The following NSD1 variants were observed in gnomAD, a reference collection of about 807,000 sequenced individuals.
The protein encoded by NSD1 is histone-lysine N-methyltransferase, H3 lysine-36 specific.
Under a neutral mutation model 242.7 loss-of-function variants are expected in NSD1, and 26 were observed. The observed-to-expected ratio is 0.11, with a 90% confidence interval of 0.08 to 0.15. The LOEUF is 0.15. NSD1 is among the 10% of genes least tolerant of loss of function. The pLI is 1.00. For synonymous variants in NSD1, 1,106 were observed against 1,178.1 expected (o/e 0.94, Z 1.25); for missense variants, 2,495 against 3,272.8 (o/e 0.76, Z 5.80).
Position 177,269,888 on chromosome 5 carries a change from G to A in NSD1, c.5509+81G>A. 8.0e-7 allele frequency: 1 copy of A among 1,253,672 alleles called. No homozygotes were observed. The highest frequency in any genetic ancestry group is 1.1e-6 in the Non-Finnish European group (1 of 893,824). The allele number at this position is 1,253,672 out of a possible 1,614,324, so 77.7% of individuals were successfully genotyped here. On this transcript the variant is annotated intron_variant, in intron 16 of 22. Coordinates refer to ENST00000439151, the MANE Select transcript of NSD1 (RefSeq NM_022455.5). The surrounding 1 kb of genome is among the most constrained non-coding windows in gnomAD (Gnocchi z 5.1). ...CTGATCTGTTTTAGAATTCACATAT[G>A]CTCCATTTTGAAACTGCCTTTGTCC... is the stretch of plus-strand genomic sequence containing the variant.
In NSD1 at chr5:177,135,590, G is replaced by C; in HGVS notation, c.487G>C (p.Asp163His). The C allele has an allele frequency of 6.2e-7, 1 of 1,614,206 alleles. No homozygotes were observed. Among genetic ancestry groups the C allele is most frequent in the Non-Finnish European group, 8.5e-7 (1 of 1,180,040 alleles). ...FENFTCVDDA[D>H]VDSEMDPEQP... ...GAATTTTACTTGTGTGGACGATGCA[G>C]ATGTAGATTCTGAAATGGACCCAGA... Residue 163 changes from aspartate to histidine, a missense_variant, in exon 2 of 23, where the codon GAT becomes CAT. Physicochemically the swap from Asp to His is moderately conservative, Grantham distance 81. Coordinates refer to ENST00000439151, the MANE Select transcript of NSD1 (RefSeq NM_022455.5).
chr5:177,263,400 CA>C (rs1443223130), intron 14 of NSD1, among the ~76,000 whole-genome samples: 1 of 152,192 alleles, frequency 6.6e-6, no homozygotes, highest in Non-Finnish European at 1.5e-5. Context: ...AGCTAGTACA[CA>C]GTCAATGGAT....
intron 2 of NSD1, among the ~76,000 whole-genome samples, chr5:177,167,843 G>C (rs1028563836): frequency 6.6e-6 from 1 of 152,162 alleles, no homozygotes; most frequent in African/African-American, 2.4e-5. Context: ...GGGTTAATCA[G>C]GATGTAACCC....
intron 3 of NSD1, among the ~76,000 whole-genome samples, chr5:177,195,754 G>A (rs1296061093): frequency 1.3e-5 from 2 of 152,122 alleles, no homozygotes; most frequent in African/African-American, 4.8e-5. Context: ...ACTGACAGGA[G>A]CTACCGCACT....
chr5:177,265,368 A>T, intron 14 of NSD1: 1 of 597,576 alleles, frequency 1.7e-6, no homozygotes, highest in Non-Finnish European at 2.9e-6. Flanking sequence ...TTTGTTTCCC[A>T]GCTGAAGATT....
intron 2 of NSD1, among the ~76,000 whole-genome samples, chr5:177,155,656 A>G (rs573563820): frequency 6.7e-6 from 1 of 149,222 alleles, no homozygotes; most frequent in African/African-American, 2.5e-5. Flanking sequence ...GAACAACTGT[A>G]TATATGCAAT....
At position 177,191,900 on chromosome 5, in the gene NSD1, A is replaced by C; in HGVS notation, c.944A>C (p.Lys315Thr). 6.2e-7 allele frequency: 1 copy of C among 1,614,144 alleles called. No individual in the cohort carries two copies. The highest frequency in any genetic ancestry group is 8.5e-7 in the Non-Finnish European group (1 of 1,180,012). ...TGTCTAAAGTGTCAACCTAAGAAAA[A>C]GTCTACGCCACTGAAGTATGAAGTT... ...QELPFCQPKK[K>T]STPLKYEVGD... Residue 315 changes from lysine (K) to threonine (T), a missense_variant, in exon 3 of 23, where the codon AAG becomes ACG. By Grantham distance (78) the Lys-to-Thr change is moderately conservative. Around this residue, in one of 19 missense-constraint regions of NSD1, gnomAD observed 376 missense variants for 367.4 expected, o/e 1.02. Coordinates refer to ENST00000439151, the MANE Select transcript of NSD1 (RefSeq NM_022455.5).
intron 17 of NSD1, among the ~76,000 whole-genome samples, chr5:177,279,961 A>ATATTTTATTT (rs571980602): frequency 0.014 from 2,000 of 140,050 alleles, 69 homozygotes; most frequent in African/African-American, 0.049. Context: ...TTTAAAGTTC[A>ATATTTTATTT]TATTTTATTT....
chr5:177,187,081 C>A (rs901030189), intron 2 of NSD1, among the ~76,000 whole-genome samples: 2 of 147,534 alleles, frequency 1.4e-5, no homozygotes, highest in African/African-American at 5.0e-5. Context: ...AAATTCTAAT[C>A]GTTACAATTG....
At chr5:177,279,034 T>G (rs1354717806) in intron 17 of NSD1, among the ~76,000 whole-genome samples, 1 of 152,240 alleles carries the variant, frequency 6.6e-6, no homozygotes, top group Non-Finnish European at 1.5e-5. Flanking sequence ...AATCCATGAG[T>G]GACATTGCTA....
At chr5:177,156,044 A>AGG (rs1758105887) in intron 2 of NSD1, among the ~76,000 whole-genome samples, 1 of 151,758 alleles carries the variant, frequency 6.6e-6, no homozygotes, top group South Asian at 2.1e-4. Flanking sequence ...ATTGTAGTTG[A>AGG]GGGGGAAAAG....
chr5:177,210,608 A>G lies in NSD1; in HGVS notation c.2209A>G (p.Thr737Ala), dbSNP rs755158787. Residue 737 changes from threonine to alanine, a missense_variant, in exon 5 of 23, where the codon ACT (threonine) becomes GCT (alanine). Physicochemically the swap from Thr to Ala is moderately conservative, Grantham distance 58. Coordinates refer to ENST00000439151, the MANE Select transcript of NSD1 (RefSeq NM_022455.5). ...QVNLSDLKAS[T>A]LVHKPQSDFT... is the part of the protein sequence containing the mutation. ...TAATCTCTCTGATCTGAAGGCATCTACTCTTGTTCACAAACCCCAGTCAGA... is the reference window on the plus strand; with the variant it reads ...TAATCTCTCTGATCTGAAGGCATCTGCTCTTGTTCACAAACCCCAGTCAGA... 1.2e-6 allele frequency: 2 copies of G among 1,614,064 alleles called. No individual in the cohort carries two copies. Among genetic ancestry groups the G allele is most frequent in the East Asian group, 2.2e-5 (1 of 44,866 alleles).
At chr5:177,240,785 T>C (rs1006491998) in intron 8 of NSD1, among the ~76,000 whole-genome samples, 2 of 152,072 alleles carry the variant, frequency 1.3e-5, no homozygotes, top group African/African-American at 4.8e-5. Context: ...GGCAGTAGGA[T>C]TGCTTAAGCT....
chr5:177,283,710 TTAGAGAGAA>T, intron 19 of NSD1, 68 bp from the exon 20 acceptor site: 1 of 1,504,782 alleles, frequency 6.6e-7, no homozygotes, highest in Non-Finnish European at 9.2e-7. Flanking sequence ...CTCCAACTTA[TTAGAGAGAA>T]TAGTCAAATT....
chr5:177,184,814 G>C (rs1760971168), intron 2 of NSD1, among the ~76,000 whole-genome samples: 1 of 152,146 alleles, frequency 6.6e-6, no homozygotes, highest in Non-Finnish European at 1.5e-5. Flanking sequence ...GGATTGTGCA[G>C]GCCTGAGCCA....
At chr5:177,152,912 C>T (rs1757845531) in intron 2 of NSD1, among the ~76,000 whole-genome samples, 1 of 151,848 alleles carries the variant, frequency 6.6e-6, no homozygotes, top group African/African-American at 2.4e-5. Flanking sequence ...TCTCAAACTC[C>T]TGGCCTCAAG....
chr5:177,287,665 A>G (rs1471262652), intron 20 of NSD1, among the ~76,000 whole-genome samples: 1 of 152,132 alleles, frequency 6.6e-6, no homozygotes, highest in Non-Finnish European at 1.5e-5. Context: ...AGAAAAAAAA[A>G]CAGTGTGAAT....
intron 2 of NSD1, among the ~76,000 whole-genome samples, chr5:177,181,023 G>C (rs190313680): frequency 6.7e-6 from 1 of 149,572 alleles, no homozygotes. Context: ...TTTTGTAGAT[G>C]AGCAAAAAAA....
At position 177,137,852 on chromosome 5, in the gene NSD1, G is replaced by A. The variant is rs1756467099; in HGVS notation, c.927+1822G>A. On this transcript the variant is annotated intron_variant, in intron 2 of 22. Transcript: ENST00000439151. ...TAGTCCCAGCACTTTGGGAGGCTGAGGTGGACAGATCACCTGAGGTCAGGA... is the reference window on the plus strand; with the variant it reads ...TAGTCCCAGCACTTTGGGAGGCTGAAGTGGACAGATCACCTGAGGTCAGGA... Among the ~76,000 whole-genome samples the A allele has an allele frequency of 1.3e-5, 2 of 152,182 alleles. 1 individual carries two copies. Among genetic ancestry groups the A allele is most frequent in the Middle Eastern group, 6.8e-3 (2 of 294 alleles).
Sources: gnomAD v4.1 joint callset for allele counts (sites outside exome capture counted in the v4.1 genomes callset) on GRCh38, gnomAD v4.1.1 for gene constraint, gnomAD v4.1.1 regional missense constraint, Gnocchi (gnomAD v3.1) non-coding constraint, MANE v1.5 for transcripts, NCBI Gene and HGNC (gene_info 2026-07-23, HGNC 2026-07-21) for gene names.